The following WDR49 variants were observed in gnomAD, a reference collection of about 807,000 sequenced individuals.
The protein encoded by WDR49 is cilia- and flagella-associated protein 337.
A neutral mutation model predicts 119.5 loss-of-function variants in WDR49; 107 were observed. The ratio of observed to expected loss-of-function variants is 0.90; its 90% CI spans 0.77 to 1.05. The LOEUF (loss-of-function observed/expected upper bound fraction) is 1.05. Ranked by LOEUF, WDR49 falls within the 50% of genes least tolerant of loss-of-function variation. WDR49 has a pLI of 0.00. For synonymous variants in WDR49, 425 were observed against 418.8 expected (o/e 1.01, Z -0.18); for missense variants, 1,240 against 1,220.5 (o/e 1.02, Z -0.24).
chr3:167,522,478 G>T lies in WDR49; in HGVS notation c.2611C>A (p.His871Asn). The T allele has an allele frequency of 1.3e-6, 2 of 1,585,286 alleles. No homozygotes were observed. Among genetic ancestry groups the T allele is most frequent in the Non-Finnish European group, 8.5e-7 (1 of 1,173,302 alleles). The change falls in exon 16 of 19, where the codon CAC (histidine) becomes AAC (asparagine). Residue 871 changes from histidine to asparagine, a missense_variant. Transcript: ENST00000682715. ...APVWIFGQAK[H>N]WHIENCLFLP... ...AAAAGGCAGTTTTCAATATGCCAGT[G>T]CTTTGCCTGAAAAAAACGAAAACAT...
chr3:167,627,335 A>G (rs1280914316), intron 2 of WDR49, 43 bp from the exon 3 acceptor site: 2 of 1,227,288 alleles, frequency 1.6e-6, no homozygotes, highest in African/African-American at 3.1e-5. Flanking sequence ...CAACAGTGAA[A>G]TCATCATATG....
chr3:167,492,378 T>C (rs1434493683), intron 18 of WDR49, among the ~76,000 whole-genome samples: 1 of 152,084 alleles, frequency 6.6e-6, no homozygotes, highest in East Asian at 1.9e-4. Context: ...CTGAGTCAGT[T>C]TTTCAGCATT....
At chr3:167,529,309 T>A in intron 13 of WDR49, 70 bp from the exon 14 acceptor site, 2 of 1,409,480 alleles carry the variant, frequency 1.4e-6, no homozygotes, top group African/African-American at 2.9e-5. Context: ...CTTCAGTGGC[T>A]TTCCCTGTGG....
chr3:167,493,286 C>G (rs1751222838), intron 18 of WDR49, among the ~76,000 whole-genome samples: 1 of 152,190 alleles, frequency 6.6e-6, no homozygotes, highest in Non-Finnish European at 1.5e-5. Context: ...TTTCCCCTGT[C>G]AGCAGTATGC....
At chr3:167,506,789 C>T (rs924543984) in intron 16 of WDR49, among the ~76,000 whole-genome samples, 1 of 151,560 alleles carries the variant, frequency 6.6e-6, no homozygotes, top group African/African-American at 2.4e-5. Flanking sequence ...TTGTCTAACT[C>T]CTTAGCCTCT....
upstream of WDR49, among the ~76,000 whole-genome samples, chr3:167,654,241 T>A (rs1718515753): frequency 6.6e-6 from 1 of 152,158 alleles, no homozygotes; most frequent in Admixed American, 6.5e-5. Flanking sequence ...AATTCTGGAA[T>A]TTTATGTTTT....
intron 2 of WDR49, among the ~76,000 whole-genome samples, chr3:167,642,327 A>G (rs565485520): frequency 5.3e-5 from 8 of 151,990 alleles, no homozygotes; most frequent in Non-Finnish European, 1.0e-4. Context: ...CTTGAATTTT[A>G]CTTTCATTTT....
intron 7 of WDR49, among the ~76,000 whole-genome samples, chr3:167,591,704 T>C (rs1236026323): frequency 6.6e-6 from 1 of 152,134 alleles, no homozygotes; most frequent in Non-Finnish European, 1.5e-5. Flanking sequence ...TTGTCTGATA[T>C]GAATATAGGG....
chr3:167,605,160 A>T (rs1715996097), intron 5 of WDR49, among the ~76,000 whole-genome samples: 1 of 151,984 alleles, frequency 6.6e-6, no homozygotes, highest in East Asian at 1.9e-4. Context: ...CCAAACAATT[A>T]TTAAAGGCAA....
At chr3:167,485,566 A>G (rs895773853) in intron 18 of WDR49, among the ~76,000 whole-genome samples, 1 of 151,976 alleles carries the variant, frequency 6.6e-6, no homozygotes, top group African/African-American at 2.4e-5. Flanking sequence ...TATTTTAAGA[A>G]CCCAAATGAA....
At chr3:167,498,140 C>T (rs1751430751) in intron 18 of WDR49, among the ~76,000 whole-genome samples, 1 of 152,036 alleles carries the variant, frequency 6.6e-6, no homozygotes, top group Admixed American at 6.5e-5. Context: ...GCGCCCAGCC[C>T]CCATTTCATT....
chr3:167,636,868 A>T (rs1717645610), intron 2 of WDR49, among the ~76,000 whole-genome samples: 1 of 151,276 alleles, frequency 6.6e-6, no homozygotes, highest in South Asian at 2.1e-4. Context: ...AATTTGTTTG[A>T]GTTCATTGTA....
rs751170303 is a variant in WDR49, at chr3:167,554,702, G to C, written c.1771C>G (p.Leu591Val). ...SQILILKKKI[L>V]VTGWERYDYA... ...TCATACCTCTCCCAGCCTGTAACCA[G>C]TATTTTCTTCTTAAGAATGAGGATT... is the stretch of plus-strand genomic sequence containing the variant. The change falls in exon 10 of 19, where the codon CTG becomes GTG. Residue 591 changes from leucine (L) to valine (V), a missense_variant. By Grantham distance (32) the Leu-to-Val change is conservative. Coordinates refer to ENST00000682715, the MANE Select transcript of WDR49 (RefSeq NM_001366157.1). 6.2e-6 allele frequency: 10 copies of C among 1,612,518 alleles called. No individual in the cohort carries two copies. The East Asian group carries it at 2.0e-4, about 32-fold the overall frequency.
chr3:167,562,470 A>C (rs1296550092), intron 8 of WDR49, among the ~76,000 whole-genome samples: 1 of 152,132 alleles, frequency 6.6e-6, no homozygotes, highest in Non-Finnish European at 1.5e-5. Flanking sequence ...CAATGAGACA[A>C]TTTCTTAAAT....
chr3:167,571,210 G>A (rs1399797406), intron 8 of WDR49, among the ~76,000 whole-genome samples: 2 of 152,002 alleles, frequency 1.3e-5, no homozygotes, highest in Non-Finnish European at 2.9e-5. Flanking sequence ...AAAGTGAAGA[G>A]GGTCTAGTAT....
chr3:167,526,372 G>T (rs1752628686), intron 15 of WDR49, among the ~76,000 whole-genome samples: 1 of 152,118 alleles, frequency 6.6e-6, no homozygotes, highest in Non-Finnish European at 1.5e-5. Flanking sequence ...GATGTCTAAG[G>T]AACTTCTTAG....
intron 7 of WDR49, among the ~76,000 whole-genome samples, chr3:167,583,245 T>C (rs1714641000): frequency 6.6e-6 from 1 of 152,262 alleles, no homozygotes; most frequent in Non-Finnish European, 1.5e-5. Context: ...ATTAAAACTC[T>C]TTAAATTTTA....
chr3:167,629,708 A>T (rs562998078), intron 2 of WDR49, among the ~76,000 whole-genome samples: 5 of 152,244 alleles, frequency 3.3e-5, no homozygotes, highest in African/African-American at 1.2e-4. Flanking sequence ...GGAAGTCAAA[A>T]TGTCAAAATT....
At chr3:167,569,400 G>A (rs1300653411) in intron 8 of WDR49, among the ~76,000 whole-genome samples, 3 of 152,014 alleles carry the variant, frequency 2.0e-5, no homozygotes, top group Non-Finnish European at 4.4e-5. Flanking sequence ...TAATAAAATA[G>A]GCTAGTACAT....
Sources: gnomAD v4.1 joint callset for allele counts (sites outside exome capture counted in the v4.1 genomes callset) on GRCh38, gnomAD v4.1.1 for gene constraint, MANE v1.5 for transcripts, NCBI Gene and HGNC (gene_info 2026-07-23, HGNC 2026-07-21) for gene names.